Variants in RDX observed in about 807,000 individuals in gnomAD.
RDX encodes radixin.
Under a neutral mutation model 83.7 loss-of-function variants are expected in RDX, and 32 were observed. The ratio of observed to expected loss-of-function variants is 0.38; its 90% CI spans 0.29 to 0.51. The LOEUF (loss-of-function observed/expected upper bound fraction) is 0.51, where lower values mean the gene tolerates loss of function less well. Ranked by LOEUF, RDX falls within the 20% of genes least tolerant of loss-of-function variation. RDX has a pLI of 0.87. For missense variants in RDX, 600 were observed against 689.9 expected (o/e 0.87, Z 1.46); for synonymous variants, 229 against 222.7 (o/e 1.03, Z -0.25).
intron 14 of RDX, among the ~76,000 whole-genome samples, chr11:110,220,414 A>G (rs917557981): frequency 6.6e-6 from 1 of 152,218 alleles, no homozygotes; most frequent in African/African-American, 2.4e-5. Context: ...TGGATTCCCA[A>G]GGTCTCAGAA....
intron 15 of RDX, among the ~76,000 whole-genome samples, chr11:110,189,243 T>TAAAAAAAAAAAAAAAAAAAAAAAAGA (rs1863053867): frequency 2.8e-5 from 1 of 35,588 alleles, no homozygotes; most frequent in Non-Finnish European, 6.4e-5. Context: ...GAACAACAGG[T>TAAAAAAAAAAAAAAAAAAAAAAAAGA]AAAAAAAAAA....
downstream of RDX, among the ~76,000 whole-genome samples, chr11:110,226,471 G>A (rs943420399): frequency 1.3e-5 from 2 of 152,172 alleles, no homozygotes; most frequent in African/African-American, 4.8e-5. Context: ...CAAGGACTGG[G>A]GAGGAGGGGG....
intron 14 of RDX, among the ~76,000 whole-genome samples, chr11:110,216,398 G>T (rs915215924): frequency 2.2e-4 from 33 of 151,390 alleles, no homozygotes; most frequent in African/African-American, 7.8e-4. Context: ...TTTGAAACAG[G>T]GTCTTGCTCT....
intron 15 of RDX, among the ~76,000 whole-genome samples, chr11:110,180,969 A>G (rs1862875745): frequency 6.6e-6 from 1 of 151,950 alleles, no homozygotes; most frequent in South Asian, 2.1e-4. Flanking sequence ...CCTGGGACAC[A>G]CACTCCATGA....
chr11:110,242,604 T>C (rs1229684442), intron 10 of RDX, among the ~76,000 whole-genome samples: 3 of 152,132 alleles, frequency 2.0e-5, no homozygotes, highest in Non-Finnish European at 2.9e-5. Context: ...TATCAGCTTT[T>C]TGTAATAAAG....
At chr11:110,216,327 C>A (rs1864049273) in intron 14 of RDX, among the ~76,000 whole-genome samples, 1 of 151,578 alleles carries the variant, frequency 6.6e-6, no homozygotes, top group African/African-American at 2.4e-5. Flanking sequence ...GTCCAGTGGG[C>A]TACTTCTGGC....
Position 110,230,340 on chromosome 11 carries a change from CCTT to C in RDX, c.*1526_*1528del, listed in dbSNP as rs1864575493. 3 of 152,006 alleles carry C rather than the reference CCTT, an allele frequency of 2.0e-5. No individual in the cohort carries two copies. The highest frequency in any genetic ancestry group is 7.2e-5 in the African/African-American group (3 of 41,398). The allele number at this position is 152,006 out of a possible 1,614,324, so 9.4% of individuals were successfully genotyped here. A position where few individuals can be genotyped will look rare whatever the true frequency, so the allele number is the denominator to read the frequency against. On this transcript the variant is annotated 3_prime_UTR_variant, in exon 14 of 14. Transcript: ENST00000645495. ...TTAGAACATGTGAATATTAGAACCT[CCTT>C]CTAACTGGAAAGATTTCTTCAGTAA...
chr11:110,259,063 G>A (rs949171471), intron 5 of RDX, among the ~76,000 whole-genome samples: 4 of 152,064 alleles, frequency 2.6e-5, no homozygotes, highest in East Asian at 1.9e-4. Context: ...GATTACAGGC[G>A]TGCGCCATAA....
intron 12 of RDX, among the ~76,000 whole-genome samples, chr11:110,233,845 A>G (rs1264507712): frequency 6.6e-6 from 1 of 152,234 alleles, no homozygotes; most frequent in Admixed American, 6.5e-5. Flanking sequence ...CACACCCAAT[A>G]GATTTTATTT....
chr11:110,177,239 G>A (rs566598654), intron 15 of RDX, among the ~76,000 whole-genome samples: 15 of 152,338 alleles, frequency 9.8e-5, no homozygotes, highest in Non-Finnish European at 1.5e-4. Flanking sequence ...GCCTGAGGCC[G>A]CGACAGTGCG....
chr11:110,276,773 C>T (rs1321362991), intron 2 of RDX, among the ~76,000 whole-genome samples: 2 of 152,020 alleles, frequency 1.3e-5, no homozygotes, highest in African/African-American at 4.8e-5. Flanking sequence ...AAATATGGAT[C>T]CACAGTTCCT....
At chr11:110,206,553 A>G (rs1002988317) in intron 14 of RDX, among the ~76,000 whole-genome samples, 4 of 152,254 alleles carry the variant, frequency 2.6e-5, no homozygotes, top group Non-Finnish European at 5.9e-5. Context: ...GGAGAGGAAC[A>G]TGCAGTGCCA....
Position 110,233,389 on chromosome 11 carries a change from T to G in RDX, c.1435A>C (p.Ile479Leu). The G allele has an allele frequency of 6.2e-7, 1 of 1,614,156 alleles. No homozygotes were observed. The highest frequency in any genetic ancestry group is 8.5e-7 in the Non-Finnish European group (1 of 1,180,024). ...APPPPPPPPV[I>L]PPTENEHDEH... ...TCATGTTCGTTTTCTGTTGGAGGAA[T>G]GACTGGTGGTGGTGGAGGTGGAGGG... The change falls in exon 13 of 14, where the codon ATT becomes CTT. Residue 479 changes from isoleucine (I) to leucine (L), a missense_variant. Ile to Leu is a conservative substitution (Grantham distance 5, BLOSUM62 2). Transcript: ENST00000645495.
chr11:110,254,662 G>A (rs1191217848), intron 8 of RDX, among the ~76,000 whole-genome samples: 1 of 151,996 alleles, frequency 6.6e-6, no homozygotes, highest in African/African-American at 2.4e-5. Context: ...TTTCAGTAGA[G>A]ATGAAGTTTC....
intron 5 of RDX, among the ~76,000 whole-genome samples, chr11:110,259,156 T>C (rs1294653399): frequency 6.6e-6 from 1 of 152,174 alleles, no homozygotes; most frequent in East Asian, 1.9e-4. Context: ...CAGGTTGGTC[T>C]TGAACTCCTG....
At chr11:110,238,331 A>T (rs1464344760) in intron 10 of RDX, among the ~76,000 whole-genome samples, 1 of 152,226 alleles carries the variant, frequency 6.6e-6, no homozygotes, top group Admixed American at 6.5e-5. Context: ...TCACTAAATC[A>T]ACTCTTTTCT....
At chr11:110,220,736 G>C (rs1450330915) in intron 14 of RDX, among the ~76,000 whole-genome samples, 1 of 152,056 alleles carries the variant, frequency 6.6e-6, no homozygotes, top group Non-Finnish European at 1.5e-5. Flanking sequence ...GACCTCAGGT[G>C]ATCCACCCAC....
At chr11:110,182,810 G>A (rs905536319) in intron 15 of RDX, among the ~76,000 whole-genome samples, 4 of 152,310 alleles carry the variant, frequency 2.6e-5, no homozygotes, top group African/African-American at 9.6e-5. Flanking sequence ...TAGCATTGCT[G>A]CATTTAGTTA....
At chr11:110,216,834 C>A (rs1864072306) in intron 14 of RDX, among the ~76,000 whole-genome samples, 1 of 152,130 alleles carries the variant, frequency 6.6e-6, no homozygotes, top group South Asian at 2.1e-4. Flanking sequence ...CATGTATAAT[C>A]TGAAAGACTT....
Sources: allele counts gnomAD v4.1 joint callset (sites outside exome capture counted in the v4.1 genomes callset), GRCh38; gene constraint gnomAD v4.1.1; transcripts MANE v1.5; gene names NCBI Gene and HGNC (gene_info 2026-07-23, HGNC 2026-07-21).